The following THOC2 variants were observed in gnomAD, a reference collection of about 807,000 sequenced individuals.
THOC2 encodes the protein THO complex subunit 2.
Under a neutral mutation model 128.4 loss-of-function variants are expected in THOC2, and 10 were observed. That is an observed-to-expected ratio of 0.08 (90% confidence interval 0.05 to 0.13). THOC2 has a LOEUF of 0.13. Among genes scored for constraint, THOC2 ranks in the 10% least tolerant of loss-of-function variants. The pLI is 1.00. For missense variants in THOC2, 535 were observed against 1,155.7 expected, an observed-to-expected ratio of 0.46 and a Z score of 7.79; for synonymous variants, 393 against 396.9, an observed-to-expected ratio of 0.99 and a Z score of 0.12.
chrX:123,729,728 G>A (rs956996617), intron 1 of THOC2, among the ~76,000 whole-genome samples: 1 of 112,549 alleles, frequency 8.9e-6, no homozygotes, highest in Non-Finnish European at 1.9e-5. Context: ...CACTAATAAT[G>A]TGGTGGCACA....
rs910273128 is a variant in THOC2 at position 123,621,313 on chromosome X, T to C, written c.4060A>G (p.Thr1354Ala). 4.1e-6 allele frequency: 5 copies of C among 1,211,253 alleles called. No individual in the cohort carries two copies. The highest frequency in any genetic ancestry group is 1.8e-5 in the South Asian group (1 of 56,903). ...TTVPNAESKS[T>A]QEREREKEPS... ...TCCTTCTCTCTTTCCCTTTCTTGAGTTGATTTTGATTCTGCGTTGGGGACA... is the reference window on the plus strand; with the variant it reads ...TCCTTCTCTCTTTCCCTTTCTTGAGCTGATTTTGATTCTGCGTTGGGGACA... The change falls in exon 31 of 39, where the codon ACT (threonine) becomes GCT (alanine). Residue 1354 changes from threonine (T) to alanine (A), a missense_variant. Thr to Ala is a moderately conservative substitution (Grantham distance 58). Around this residue, in one of 9 missense-constraint regions of THOC2, gnomAD observed 116 missense variants for 180.0 expected, o/e 0.64. Transcript: ENST00000245838.
chrX:123,682,203 T>G (rs2049815180), intron 8 of THOC2, among the ~76,000 whole-genome samples: 1 of 112,895 alleles, frequency 8.9e-6, no homozygotes, highest in Non-Finnish European at 1.9e-5. Context: ...GTAATGGGGT[T>G]ATAAGTATTC....
intron 12 of THOC2, among the ~76,000 whole-genome samples, chrX:123,648,426 C>T (rs1314641514): frequency 9.0e-6 from 1 of 111,668 alleles, no homozygotes. Context: ...AGTTTTCTTT[C>T]AAACCCCAGT....
intron 7 of THOC2, among the ~76,000 whole-genome samples, chrX:123,687,362 T>A (rs983612123): frequency 1.1e-4 from 12 of 111,739 alleles, no homozygotes; most frequent in African/African-American, 3.9e-4. Context: ...TTACGTCAGT[T>A]CCCACATGCC....
intron 6 of THOC2, 99 bp from the exon 7 acceptor site, chrX:123,696,253 T>C (rs1231249789): frequency 7.5e-6 from 4 of 535,626 alleles, no homozygotes; most frequent in Non-Finnish European, 1.2e-5. Context: ...ATCTCCAACC[T>C]ACAACAATCC....
chrX:123,681,015 C>A (rs895049318), intron 8 of THOC2, among the ~76,000 whole-genome samples: 1 of 110,908 alleles, frequency 9.0e-6, no homozygotes, highest in Non-Finnish European at 1.9e-5. Flanking sequence ...ACACACCCAA[C>A]TCACGTCACC....
intron 21 of THOC2, 129 bp downstream of exon 21, chrX:123,632,732 T>C (rs1489739551): frequency 3.2e-5 from 16 of 498,725 alleles, no homozygotes; most frequent in Non-Finnish European, 1.3e-5. Flanking sequence ...ATTTCCAGAA[T>C]GTCTTTCACA....
At chrX:123,628,614 GGTGA>G (rs1426839814) in intron 22 of THOC2, among the ~76,000 whole-genome samples, 38 of 109,867 alleles carry the variant, frequency 3.5e-4, no homozygotes, top group Middle Eastern at 4.7e-3. Flanking sequence ...GGGAGGCTGA[GGTGA>G]GAGGATCACT....
At chrX:123,633,705 T>C (rs1459994478) in intron 20 of THOC2, among the ~76,000 whole-genome samples, 1 of 111,999 alleles carries the variant, frequency 8.9e-6, no homozygotes, top group Non-Finnish European at 1.9e-5. Context: ...CGCCCGGCCT[T>C]ATTTGGTAAT....
intron 1 of THOC2, among the ~76,000 whole-genome samples, chrX:123,720,042 G>C (rs1407841379): frequency 9.0e-6 from 1 of 111,305 alleles, no homozygotes; most frequent in African/African-American, 3.3e-5. Flanking sequence ...AGTTACTTGG[G>C]AGGCTGAGGT....
chrX:123,727,993 T>A (rs1296671052), intron 1 of THOC2, among the ~76,000 whole-genome samples: 1 of 112,269 alleles, frequency 8.9e-6, no homozygotes, highest in Non-Finnish European at 1.9e-5. Flanking sequence ...GGAAACAGAG[T>A]CACAAGCTTA....
At chrX:123,618,134 A>G in intron 33 of THOC2, among the ~76,000 whole-genome samples, 1 of 111,942 alleles carries the variant, frequency 8.9e-6, no homozygotes, top group South Asian at 3.7e-4. Context: ...TATGGCTAAC[A>G]GCAAAAAAAC....
At chrX:123,707,087 T>G (rs1245976482) in intron 2 of THOC2, 138 bp from the exon 3 acceptor site, 12 of 306,709 alleles carry the variant, frequency 3.9e-5, no homozygotes, top group Non-Finnish European at 6.7e-5. Context: ...CTCTAGCAAT[T>G]TTTTCTTTTA....
In THOC2 at chrX:123,715,657, C is replaced by T. The variant is rs1308252287; in HGVS notation, c.72-2749G>A. ...AAACTTAGCTAGGCATGGTGGCCCA[C>T]GCCTGTAGTCCCAGCTACTTGGGGG... On this transcript the variant is annotated intron_variant, in intron 1 of 38. Coordinates refer to ENST00000245838, the MANE Select transcript of THOC2 (RefSeq NM_001081550.2). Among the ~76,000 whole-genome samples, 14 of 107,759 alleles carry T rather than the reference C, an allele frequency of 1.3e-4. No homozygotes were observed. The East Asian group carries it at 3.9e-3, about 30-fold the overall frequency. 93.6% of individuals were successfully genotyped at this position (107,759 alleles called of 115,157 possible). A position where few individuals can be genotyped will look rare whatever the true frequency, so the allele number is the denominator to read the frequency against.
chrX:123,730,249 G>A (rs192169938), intron 1 of THOC2, among the ~76,000 whole-genome samples: 200 of 107,468 alleles, frequency 1.9e-3, no homozygotes, highest in Admixed American at 3.9e-3. Context: ...CGCGATCTCC[G>A]CTCACCGCAA....
intron 21 of THOC2, among the ~76,000 whole-genome samples, chrX:123,632,401 T>C (rs2147640601): frequency 9.7e-6 from 1 of 102,568 alleles, no homozygotes; most frequent in African/African-American, 3.6e-5. Flanking sequence ...TGAGGTAGAC[T>C]GATCACTTGA....
At chrX:123,663,141 A>G (rs745883917) in intron 12 of THOC2, among the ~76,000 whole-genome samples, 38 of 111,938 alleles carry the variant, frequency 3.4e-4, no homozygotes, top group African/African-American at 1.1e-3. Flanking sequence ...AGGCTTGTGC[A>G]GGAATATTGA....
chrX:123,725,650 C>T (rs1273702853), intron 1 of THOC2, among the ~76,000 whole-genome samples: 1 of 101,886 alleles, frequency 9.8e-6, no homozygotes, highest in Non-Finnish European at 2.0e-5. Context: ...CACGATTAAG[C>T]TTCTAATTTC....
intron 38 of THOC2, among the ~76,000 whole-genome samples, chrX:123,610,532 C>T (rs2046664085): frequency 9.0e-6 from 1 of 111,646 alleles, no homozygotes; most frequent in Admixed American, 9.5e-5. Flanking sequence ...CTTTATGACC[C>T]TCTTCAACTT....
Sources: gnomAD v4.1 joint callset for allele counts (sites outside exome capture counted in the v4.1 genomes callset) on GRCh38, gnomAD v4.1.1 for gene constraint, gnomAD v4.1.1 regional missense constraint, MANE v1.5 for transcripts, NCBI Gene and HGNC (gene_info 2026-07-23, HGNC 2026-07-21) for gene names.